PRRC2B: variants seen among roughly 807,000 people sequenced by gnomAD.
PRRC2B encodes protein PRRC2B.
Under a neutral mutation model 242.3 loss-of-function variants are expected in PRRC2B, and 68 were observed. The ratio of observed to expected loss-of-function variants is 0.28; its 90% confidence interval spans 0.23 to 0.34. The LOEUF (loss-of-function observed/expected upper bound fraction) is 0.34. Ranked by LOEUF, PRRC2B falls within the 10% of genes least tolerant of loss-of-function variation. The pLI is 1.00. For missense variants in PRRC2B, 2,835 were observed against 2,954.8 expected (o/e 0.96, Z 0.94); for synonymous variants, 1,228 against 1,173.6 (o/e 1.05, Z -0.95).
intron 5 of PRRC2B, among the ~76,000 whole-genome samples, chr9:131,442,722 G>T (rs1362539240): frequency 6.6e-6 from 1 of 152,172 alleles, no homozygotes; most frequent in Non-Finnish European, 1.5e-5. Flanking sequence ...TCCACAGGGG[G>T]CCATTTGTTG....
rs1021486391 is a variant in PRRC2B at position 131,496,109 on chromosome 9, A to T, written c.*235A>T. On this transcript the variant is annotated 3_prime_UTR_variant, in exon 32 of 32. Coordinates refer to ENST00000683519, the MANE Select transcript of PRRC2B (RefSeq NM_013318.4). ...AAACAAAAAAGCAGACGACTCCTTCATCCCATCTGCTCCTACCGTGACTGT... is the reference window on the plus strand; with the variant it reads ...AAACAAAAAAGCAGACGACTCCTTCTTCCCATCTGCTCCTACCGTGACTGT... 7.4e-6 allele frequency: 4 copies of T among 537,040 alleles called. No individual in the cohort carries two copies. The highest frequency in any genetic ancestry group is 1.0e-5 in the Non-Finnish European group (3 of 301,070). 33.3% of individuals were successfully genotyped at this position (537,040 alleles called of 1,614,324 possible). A position where few individuals can be genotyped will look rare whatever the true frequency, so the allele number is the denominator to read the frequency against.
At chr9:131,395,958 C>T (rs1217329467) in intron 1 of PRRC2B, among the ~76,000 whole-genome samples, 2 of 152,174 alleles carry the variant, frequency 1.3e-5, no homozygotes, top group East Asian at 3.8e-4. Flanking sequence ...TGGGGATTGG[C>T]AGATAATCAT....
intron 1 of PRRC2B, among the ~76,000 whole-genome samples, chr9:131,426,581 G>A (rs1395764001): frequency 6.6e-6 from 1 of 152,166 alleles, no homozygotes; most frequent in Non-Finnish European, 1.5e-5. Context: ...GGACCCCAGG[G>A]CAAGGAAGCA....
intron 9 of PRRC2B, among the ~76,000 whole-genome samples, chr9:131,449,720 T>A (rs917034554): frequency 1.3e-5 from 2 of 152,236 alleles, no homozygotes; most frequent in Non-Finnish European, 2.9e-5. Flanking sequence ...ACTGTTTTGG[T>A]GAGCAGAAGT....
Position 131,482,012 on chromosome 9 carries a change from A to C in PRRC2B, c.4983+204A>C, listed in dbSNP as rs1943885175. 6.6e-6 allele frequency among the ~76,000 whole-genome samples: 1 copy of C among 152,178 alleles called. No homozygotes were observed. Among genetic ancestry groups the C allele is most frequent in the African/African-American group, 2.4e-5 (1 of 41,436 alleles). On this transcript the variant is annotated intron_variant, in intron 20 of 31. Transcript: ENST00000683519. This position sits in a 1 kb window ranked among gnomAD's most constrained non-coding sequence, Gnocchi z 5.2. The stretch of plus-strand genomic sequence containing the variant: ...TGTGCATGGGGCGTGCATGAGCAGG[A>C]GAAAGAGAAAAGGGGTAACAAGGGA...
At chr9:131,387,105 G>A (rs1170261730) in intron 1 of PRRC2B, among the ~76,000 whole-genome samples, 3 of 150,044 alleles carry the variant, frequency 2.0e-5, no homozygotes, top group African/African-American at 7.3e-5. Flanking sequence ...GGGTTCAAGC[G>A]ATTCTTCTGC....
chr9:131,468,428 C>T (rs373145840), intron 13 of PRRC2B, among the ~76,000 whole-genome samples: 4 of 152,174 alleles, frequency 2.6e-5, no homozygotes, highest in South Asian at 4.2e-4. Context: ...TTGGTGTCAC[C>T]GTTATTGGCT....
At chr9:131,481,984 G>A (rs1200539136) in intron 20 of PRRC2B, among the ~76,000 whole-genome samples, 176 bp downstream of exon 20, 5 of 152,214 alleles carry the variant, frequency 3.3e-5, no homozygotes, top group Admixed American at 3.3e-4. Flanking sequence ...TTGATTTCTG[G>A]CCTGTGCATG....
chr9:131,379,048 G>T (rs500491), intron 1 of PRRC2B, among the ~76,000 whole-genome samples: 45,068 of 151,800 alleles, frequency 0.3, 6,780 homozygotes, highest in African/African-American at 0.33. Flanking sequence ...TGCAATCTAA[G>T]GCAGGATGGA....
At chr9:131,413,520 C>T (rs180937649) in intron 1 of PRRC2B, among the ~76,000 whole-genome samples, 18 of 152,254 alleles carry the variant, frequency 1.2e-4, no homozygotes, top group Non-Finnish European at 2.1e-4. Flanking sequence ...CAAACATAGG[C>T]ATGCACCAAC....
chr9:131,402,643 G>A (rs191003580), intron 1 of PRRC2B, among the ~76,000 whole-genome samples: 5 of 152,218 alleles, frequency 3.3e-5, no homozygotes, highest in Non-Finnish European at 5.9e-5. Flanking sequence ...GGTCTTATAG[G>A]AGCCCACGCA....
chr9:131,430,555 G>GTGTA (rs1838122689), intron 2 of PRRC2B, among the ~76,000 whole-genome samples: 3 of 83,938 alleles, frequency 3.6e-5, no homozygotes, highest in Non-Finnish European at 7.1e-5. Flanking sequence ...CTATAGGTGT[G>GTGTA]TGTGTATGTG....
intron 1 of PRRC2B, among the ~76,000 whole-genome samples, chr9:131,387,414 T>C (rs1001063190): frequency 6.7e-6 from 1 of 150,156 alleles, no homozygotes; most frequent in African/African-American, 2.4e-5. Flanking sequence ...GACTCAAATG[T>C]TAATCTCTTT....
chr9:131,430,273 T>C lies in PRRC2B; in HGVS notation c.115+14T>C. On this transcript the variant is annotated intron_variant, in intron 2 of 31. Transcript: ENST00000683519. ...TTAGATCCTCAGGTAAGGCCCAGGGTTGAAGGCCAGTTCCTCAAACTTTCT... is the reference window on the plus strand; with the variant it reads ...TTAGATCCTCAGGTAAGGCCCAGGGCTGAAGGCCAGTTCCTCAAACTTTCT... The C allele has an allele frequency of 6.7e-7, 1 of 1,491,822 alleles. No individual in the cohort carries two copies. Among genetic ancestry groups the C allele is most frequent in the South Asian group, 1.2e-5 (1 of 83,532 alleles). 92.4% of individuals were successfully genotyped at this position (1,491,822 alleles called of 1,614,324 possible). A position where few individuals can be genotyped will look rare whatever the true frequency, so the allele number is the denominator to read the frequency against.
intron 2 of PRRC2B, among the ~76,000 whole-genome samples, chr9:131,431,183 T>C (rs1838156665): frequency 1.3e-5 from 2 of 151,898 alleles, no homozygotes; most frequent in East Asian, 1.9e-4. Context: ...CAGGGTGGAG[T>C]GCAGTGGTGT....
chr9:131,421,720 GA>G (rs1247243094), intron 1 of PRRC2B, among the ~76,000 whole-genome samples: 2 of 152,238 alleles, frequency 1.3e-5, no homozygotes, highest in Non-Finnish European at 2.9e-5. Flanking sequence ...GCCCACATGT[GA>G]AGAGTGAAGT....
intron 9 of PRRC2B, among the ~76,000 whole-genome samples, chr9:131,449,829 T>C (rs1426544341): frequency 2.0e-5 from 3 of 152,250 alleles, no homozygotes; most frequent in African/African-American, 7.2e-5. Flanking sequence ...GTGGTAAAGA[T>C]GTTCCTAGAT....
At chr9:131,443,300 A>C (rs75204302) in intron 5 of PRRC2B, among the ~76,000 whole-genome samples, 1 of 137,428 alleles carries the variant, frequency 7.3e-6, no homozygotes, top group Non-Finnish European at 1.6e-5. Flanking sequence ...CGTCTGGCTA[A>C]TTTTTTTTTG....
In PRRC2B at chr9:131,475,149, G is replaced by A. The variant is rs1248001122; in HGVS notation, c.3020G>A (p.Gly1007Asp). Residue 1007 changes from glycine (G) to aspartate (D), a missense_variant, in exon 16 of 32, where the codon GGC becomes GAC. Coordinates refer to ENST00000683519, the MANE Select transcript of PRRC2B (RefSeq NM_013318.4). ...TCCACCACCACTTTGGAGGACAAAG[G>A]CCCTGGCCATGCCACTTTTGGCCGC... ...NSSTTTLEDK[G>D]PGHATFGREA... 4 of 1,612,982 alleles carry A rather than the reference G, an allele frequency of 2.5e-6. No individual in the cohort carries two copies. In the East Asian group the frequency reaches 6.7e-5, roughly 27 times the overall value.
Sources: gnomAD v4.1 joint callset for allele counts (sites outside exome capture counted in the v4.1 genomes callset) on GRCh38, gnomAD v4.1.1 for gene constraint, Gnocchi (gnomAD v3.1) non-coding constraint, MANE v1.5 for transcripts, NCBI Gene and HGNC (gene_info 2026-07-23, HGNC 2026-07-21) for gene names.